Variants in CPEB4 observed in about 807,000 individuals in gnomAD.
The protein encoded by CPEB4 is cytoplasmic polyadenylation element-binding protein 4.
In CPEB4, 12 loss-of-function variants were observed where a neutral mutation model predicts 72.5. The observed-to-expected ratio is 0.17, with a 90% confidence interval of 0.11 to 0.27. CPEB4 has a LOEUF of 0.27. CPEB4 is among the 10% of genes least tolerant of loss of function. The pLI is 1.00. For synonymous variants in CPEB4, 302 were observed against 326.3 expected (o/e 0.93, Z 0.80); for missense variants, 614 against 908.5 (o/e 0.68, Z 4.17).
chr5:173,905,016 T>TAATA (rs940615606), intron 1 of CPEB4, among the ~76,000 whole-genome samples: 3 of 79,518 alleles, frequency 3.8e-5, no homozygotes, highest in African/African-American at 1.7e-4. Context: ...ATAATAATAA[T>TAATA]AAAAAAATGT....
rs77509433 is a variant in CPEB4, at chr5:173,953,891, C to T, written c.1962+619C>T. The stretch of plus-strand genomic sequence containing the variant: ...AACTGTATCACTTGCCAGTACTACT[C>T]AGAGTGTGGCCTGTGGACTGACCTC... On this transcript the variant is annotated intron_variant, in intron 9 of 9. Transcript: ENST00000265085. Among the ~76,000 whole-genome samples the T allele has an allele frequency of 1.0e-3, 155 of 152,264 alleles. 2 individuals are homozygous for T. The East Asian group carries it at 0.016, about 16-fold the overall frequency.
chr5:173,941,061 A>G (rs1223781299), intron 3 of CPEB4, among the ~76,000 whole-genome samples: 1 of 152,180 alleles, frequency 6.6e-6, no homozygotes, highest in Non-Finnish European at 1.5e-5. Flanking sequence ...GAGAGTTTTC[A>G]TGTTAATTTT....
Position 173,889,994 on chromosome 5 carries a change from G to A in CPEB4, c.261G>A (p.Gln87=), listed in dbSNP as rs1258400122. The change falls in exon 1 of 10, where the codon CAG becomes CAA. Residue 87 remains glutamine, a synonymous_variant. Coordinates refer to ENST00000265085, the MANE Select transcript of CPEB4 (RefSeq NM_030627.4). ...AAGCAAAAAGTCAGCAACAGGAACA[G>A]CAAGACCCCTTAGAAAAGCAGCAGC... is the stretch of plus-strand genomic sequence containing the variant. ...SEKAKSQQQE[Q]QDPLEKQQLS... is the part of the protein sequence containing the mutation. 1 of 1,614,200 alleles carries A rather than the reference G, an allele frequency of 6.2e-7. No individual in the cohort carries two copies. Among genetic ancestry groups the A allele is most frequent in the Non-Finnish European group, 8.5e-7 (1 of 1,180,034 alleles).
At chr5:173,951,266 A>G (rs771962771) in intron 7 of CPEB4, among the ~76,000 whole-genome samples, 1 of 152,210 alleles carries the variant, frequency 6.6e-6, no homozygotes, top group Non-Finnish European at 1.5e-5. Flanking sequence ...AATGAGGTAC[A>G]TGATTCTTGA....
chr5:173,943,203 T>C (rs1392128024), intron 4 of CPEB4, among the ~76,000 whole-genome samples, 154 bp downstream of exon 4: 4 of 152,162 alleles, frequency 2.6e-5, no homozygotes, highest in Admixed American at 1.3e-4. Flanking sequence ...ATTTTAGACA[T>C]AATTTGAAGG....
chr5:173,949,808 A>G (rs1758153712), intron 6 of CPEB4, 152 bp from the exon 7 acceptor site: 2 of 712,638 alleles, frequency 2.8e-6, no homozygotes, highest in East Asian at 5.2e-5. Flanking sequence ...AATGAACTGT[A>G]TGTTGATGTC....
At chr5:173,948,577 A>G (rs1335240703) in intron 5 of CPEB4, among the ~76,000 whole-genome samples, 1 of 152,198 alleles carries the variant, frequency 6.6e-6, no homozygotes, top group African/African-American at 2.4e-5. Flanking sequence ...GGAATACGTC[A>G]CATGATTCTG....
At chr5:173,941,879 G>GA (rs1325404103) in intron 3 of CPEB4, among the ~76,000 whole-genome samples, 3 of 152,158 alleles carry the variant, frequency 2.0e-5, no homozygotes, top group African/African-American at 7.2e-5. Flanking sequence ...TCTCCAAAAA[G>GA]AAAAAACCCA....
At chr5:173,897,880 G>A (rs1756079560) in intron 1 of CPEB4, among the ~76,000 whole-genome samples, 1 of 94,690 alleles carries the variant, frequency 1.1e-5, no homozygotes, top group Non-Finnish European at 3.0e-5. Context: ...TATATAACAT[G>A]TGCTGATTTA....
rs1267234275 is a variant in CPEB4 at position 173,943,154 on chromosome 5, T to A, written c.1282+105T>A. On this transcript the variant is annotated intron_variant, in intron 4 of 9. Coordinates refer to ENST00000265085, the MANE Select transcript of CPEB4 (RefSeq NM_030627.4). ...GGAAGGGGAGAGGGGAAATGAAGCA[T>A]AGCTTTGATCCTTAGGTAATTTTTG... 7.1e-6 allele frequency: 8 copies of A among 1,133,174 alleles called. No individual in the cohort carries two copies. The Admixed American group carries it at 1.5e-4, about 22-fold the overall frequency. 70.2% of individuals were successfully genotyped at this position (1,133,174 alleles called of 1,614,324 possible).
At chr5:173,908,934 G>GT (rs879335729) in intron 1 of CPEB4, among the ~76,000 whole-genome samples, 4 of 152,112 alleles carry the variant, frequency 2.6e-5, no homozygotes, top group Non-Finnish European at 5.9e-5. Flanking sequence ...GTGTGTTTAT[G>GT]TACAGTATCC....
At chr5:173,913,696 G>A (rs1756762338) in intron 2 of CPEB4, among the ~76,000 whole-genome samples, 1 of 152,226 alleles carries the variant, frequency 6.6e-6, no homozygotes, top group South Asian at 2.1e-4. Flanking sequence ...ATATTATAGG[G>A]ATAATCAAAA....
chr5:173,895,823 T>TTTTTTC (rs533259232), intron 1 of CPEB4, among the ~76,000 whole-genome samples: 1 of 152,164 alleles, frequency 6.6e-6, no homozygotes, highest in African/African-American at 2.4e-5. Flanking sequence ...AGGGTAGAGT[T>TTTTTTC]TTTTTCTTTT....
rs1755756503 is a variant in CPEB4 at position 173,890,205 on chromosome 5, T to G, written c.472T>G (p.Leu158Val). 6.2e-7 allele frequency: 1 copy of G among 1,614,074 alleles called. No individual in the cohort carries two copies. ...TGGGCTAGGTACTTCAACCCAACCC[T>G]TGACATCTAGCGCATCGTCTCTTAC... ...ATGLGTSTQPLTSSASSLTGF... is the reference protein window; with the variant it reads ...ATGLGTSTQPVTSSASSLTGF... The change falls in exon 1 of 10, where the codon TTG becomes GTG. Residue 158 changes from leucine (L) to valine (V), a missense_variant. This residue lies in a region of CPEB4 where 458 missense variants were observed against 548.6 expected (regional missense o/e 0.83). Transcript: ENST00000265085.
At chr5:173,903,559 C>A (rs555248943) in intron 1 of CPEB4, among the ~76,000 whole-genome samples, 22 of 152,266 alleles carry the variant, frequency 1.4e-4, no homozygotes, top group African/African-American at 5.1e-4. Flanking sequence ...ACCCAGTAAT[C>A]TGTATTTTAA....
intron 1 of CPEB4, 125 bp from the exon 2 acceptor site, chr5:173,910,398 A>T (rs1756610124): frequency 4.7e-6 from 3 of 638,324 alleles, no homozygotes; most frequent in Non-Finnish European, 8.5e-6. Context: ...TTTAGTAATA[A>T]TGTGCCTTAC....
In CPEB4 at chr5:173,889,598, C is replaced by T. The variant is rs1395561054; in HGVS notation, c.-136C>T. The T allele has an allele frequency of 1.4e-6, 1 of 720,446 alleles. No homozygotes were observed. Among genetic ancestry groups the T allele is most frequent in the Non-Finnish European group, 2.3e-6 (1 of 432,196 alleles). The allele number at this position is 720,446 out of a possible 1,614,324, so 44.6% of individuals were successfully genotyped here. On this transcript the variant is annotated 5_prime_UTR_variant, in exon 1 of 10. Transcript: ENST00000265085. ...CAGAACAATTTAAGGTGATAAGCTG[C>T]GATCTTTGAGCTAGCTATAAATAAG...
intron 1 of CPEB4, chr5:173,891,755 C>A (rs1561602021): frequency 6.6e-6 from 1 of 152,152 alleles, no homozygotes; most frequent in Non-Finnish European, 1.5e-5. Context: ...GGTTGAACGT[C>A]AGATGCTCCA....
chr5:173,921,879 G>A (rs1389887748), intron 2 of CPEB4, among the ~76,000 whole-genome samples: 5 of 152,246 alleles, frequency 3.3e-5, no homozygotes, highest in Non-Finnish European at 7.3e-5. Context: ...CCAGTTTCAA[G>A]TGAAAGGGTG....
Sources: gnomAD v4.1 joint callset for allele counts (sites outside exome capture counted in the v4.1 genomes callset) on GRCh38, gnomAD v4.1.1 for gene constraint, gnomAD v4.1.1 regional missense constraint, MANE v1.5 for transcripts, NCBI Gene and HGNC (gene_info 2026-07-23, HGNC 2026-07-21) for gene names.